PPP4R4: variants seen among roughly 807,000 people sequenced by gnomAD.
The protein encoded by PPP4R4 is serine/threonine-protein phosphatase 4 regulatory subunit 4.
A neutral mutation model predicts 121.8 loss-of-function variants in PPP4R4; 70 were observed. That is an observed-to-expected ratio of 0.57 (90% CI 0.47 to 0.70). PPP4R4 has a LOEUF of 0.70. Among genes scored for constraint, PPP4R4 ranks in the 30% least tolerant of loss-of-function variants. The pLI, the probability that PPP4R4 is intolerant of heterozygous loss-of-function variation, is 0.00. For missense variants in PPP4R4, 875 were observed against 1,033.6 expected (o/e 0.85, Z 2.10); for synonymous variants, 348 against 355.7 (o/e 0.98, Z 0.24).
intron 16 of PPP4R4, among the ~76,000 whole-genome samples, chr14:94,255,121 A>C (rs1004371721): frequency 6.6e-6 from 1 of 152,210 alleles, no homozygotes; most frequent in Non-Finnish European, 1.5e-5. Context: ...TATCTGATAG[A>C]AATCTCAGAC....
intron 19 of PPP4R4, among the ~76,000 whole-genome samples, chr14:94,260,749 T>C (rs935784870): frequency 6.6e-6 from 1 of 152,114 alleles, no homozygotes; most frequent in Non-Finnish European, 1.5e-5. Flanking sequence ...TTATGAATTT[T>C]TTCTTGGAGT....
intron 7 of PPP4R4, among the ~76,000 whole-genome samples, chr14:94,236,866 C>T (rs112436448): frequency 0.011 from 1,620 of 152,228 alleles, 37 homozygotes; most frequent in African/African-American, 0.037. Flanking sequence ...CTATCAACAT[C>T]TTATGTCAAT....
chr14:94,174,354 G>C lies in PPP4R4; in HGVS notation c.-112G>C, dbSNP rs1888536463. Reference sequence around the variant, plus strand: ...CCGCCGCCTGGCAGCCTCACGCTCGGCTCCAGCGGCCAAGAGCCGGAGAAA... The same window carrying C: ...CCGCCGCCTGGCAGCCTCACGCTCGCCTCCAGCGGCCAAGAGCCGGAGAAA... On this transcript the variant is annotated 5_prime_UTR_variant, in exon 1 of 25. Coordinates refer to ENST00000304338, the MANE Select transcript of PPP4R4 (RefSeq NM_058237.2). 1 of 992,352 alleles carries C rather than the reference G, an allele frequency of 1.0e-6. No individual in the cohort carries two copies. Among genetic ancestry groups the C allele is most frequent in the Non-Finnish European group, 1.3e-6 (1 of 768,122 alleles). 61.5% of individuals were successfully genotyped at this position (992,352 alleles called of 1,614,324 possible). A position where few individuals can be genotyped will look rare whatever the true frequency, so the allele number is the denominator to read the frequency against.
chr14:94,215,901 G>A (rs1310197493), intron 3 of PPP4R4, among the ~76,000 whole-genome samples: 1 of 152,146 alleles, frequency 6.6e-6, no homozygotes. Context: ...AAAGTTCTGT[G>A]AAACATTTAC....
In PPP4R4 at chr14:94,200,805, AT is replaced by A. The variant is rs112877757; in HGVS notation, c.192-7649del. On this transcript the variant is annotated intron_variant, in intron 2 of 24. Transcript: ENST00000304338. ...GCTTTTTGTTTCACTTATCTTTTGTATTTTTTTTTTGTTTCCCTTTCATTTA... is the reference window on the plus strand; with the variant it reads ...GCTTTTTGTTTCACTTATCTTTTGTATTTTTTTTTGTTTCCCTTTCATTTA... 6.7e-3 allele frequency among the ~76,000 whole-genome samples: 974 copies of A among 145,162 alleles called. 11 individuals carry two copies. The highest frequency in any genetic ancestry group is 0.023 in the African/African-American group (924 of 39,930).
chr14:94,255,248 C>A (rs764151079), intron 16 of PPP4R4, among the ~76,000 whole-genome samples: 5 of 152,170 alleles, frequency 3.3e-5, no homozygotes, highest in South Asian at 2.1e-4. Context: ...TAAATAAATT[C>A]TTCTCTCTGT....
chr14:94,190,872 C>CTTT lies in PPP4R4; in HGVS notation c.191+14758_191+14760dup, dbSNP rs11414150. ...AATACTGTAGAGCAGTGATTTCCAA[C>CTTT]TTTTTTTTTTTTTTTACTATGACCT... On this transcript the variant is annotated intron_variant, in intron 2 of 24. Coordinates refer to ENST00000304338, the MANE Select transcript of PPP4R4 (RefSeq NM_058237.2). Among the ~76,000 whole-genome samples, 101 of 145,588 alleles carry CTTT rather than the reference C, an allele frequency of 6.9e-4. 2 individuals carry two copies. Among genetic ancestry groups the CTTT allele is most frequent in the Non-Finnish European group, 8.7e-4 (58 of 66,636 alleles).
At chr14:94,227,084 A>T (rs1891753474) in intron 3 of PPP4R4, among the ~76,000 whole-genome samples, 1 of 152,204 alleles carries the variant, frequency 6.6e-6, no homozygotes, top group African/African-American at 2.4e-5. Context: ...TTAAACACAG[A>T]CGTGTCTACT....
chr14:94,204,758 T>A (rs1890371062), intron 2 of PPP4R4, among the ~76,000 whole-genome samples: 1 of 152,190 alleles, frequency 6.6e-6, no homozygotes, highest in African/African-American at 2.4e-5. Context: ...CAGCATTGTG[T>A]ATTTTCAGCC....
intron 4 of PPP4R4, 62 bp downstream of exon 4, chr14:94,230,796 TA>T (rs1891986591): frequency 1.3e-6 from 2 of 1,495,840 alleles, no homozygotes. Context: ...ATGGCCATGA[TA>T]TTATATAAAT....
At chr14:94,179,414 A>G (rs1416618820) in intron 2 of PPP4R4, among the ~76,000 whole-genome samples, 1 of 152,046 alleles carries the variant, frequency 6.6e-6, no homozygotes, top group East Asian at 1.9e-4. Context: ...ATTCCTTTTT[A>G]TTGCAGTGTA....
At chr14:94,184,897 A>G (rs544686128) in intron 2 of PPP4R4, among the ~76,000 whole-genome samples, 2 of 152,232 alleles carry the variant, frequency 1.3e-5, no homozygotes, top group Non-Finnish European at 2.9e-5. Flanking sequence ...GCTTTACAGT[A>G]TCTTATTAAT....
intron 2 of PPP4R4, among the ~76,000 whole-genome samples, chr14:94,199,340 G>C (rs995643547): frequency 2.0e-5 from 3 of 152,212 alleles, no homozygotes; most frequent in Admixed American, 6.5e-5. Context: ...AAACCTCTAG[G>C]GGGAGCATGC....
In PPP4R4 at chr14:94,226,607, T is replaced by G. The variant is rs74398040; in HGVS notation, c.295-3980T>G. The stretch of plus-strand genomic sequence containing the variant: ...AAAGTCTTTTATAAATATCATGATT[T>G]TATAATGAAGAGGGCTATTACACTA... On this transcript the variant is annotated intron_variant, in intron 3 of 24. Coordinates refer to ENST00000304338, the MANE Select transcript of PPP4R4 (RefSeq NM_058237.2). Among the ~76,000 whole-genome samples the G allele has an allele frequency of 9.2e-3, 1,405 of 152,236 alleles. 8 individuals carry two copies. The highest frequency in any genetic ancestry group is 0.034 in the Middle Eastern group (10 of 294).
intron 2 of PPP4R4, among the ~76,000 whole-genome samples, chr14:94,177,344 A>G (rs1005102083): frequency 2.2e-4 from 34 of 152,190 alleles, no homozygotes; most frequent in Non-Finnish European, 8.8e-5. Context: ...TTATGTGTGA[A>G]TTCAACGGTA....
At chr14:94,220,480 A>G (rs1891325676) in intron 3 of PPP4R4, among the ~76,000 whole-genome samples, 1 of 152,106 alleles carries the variant, frequency 6.6e-6, no homozygotes, top group African/African-American at 2.4e-5. Context: ...TTTCTCAGAT[A>G]ACATTATCAT....
At chr14:94,260,430 A>AAAAAC (rs1054571101) in intron 19 of PPP4R4, among the ~76,000 whole-genome samples, 2 of 152,084 alleles carry the variant, frequency 1.3e-5, no homozygotes, top group African/African-American at 4.8e-5. Context: ...TGTCCCCCCA[A>AAAAAC]AAAACAAAAC....
intron 16 of PPP4R4, among the ~76,000 whole-genome samples, chr14:94,254,843 G>A (rs1356000195): frequency 1.3e-5 from 2 of 152,154 alleles, no homozygotes; most frequent in East Asian, 3.9e-4. Context: ...TAGGCTCTGG[G>A]ATTTACTCTT....
intron 16 of PPP4R4, among the ~76,000 whole-genome samples, chr14:94,252,978 C>T (rs2224237): frequency 0.54 from 82,680 of 152,058 alleles, 25,059 homozygotes; most frequent in African/African-American, 0.82. Flanking sequence ...CAAAAGATAC[C>T]GAAAAGTTCA....
Sources: allele counts gnomAD v4.1 joint callset (sites outside exome capture counted in the v4.1 genomes callset), GRCh38; gene constraint gnomAD v4.1.1; transcripts MANE v1.5; gene names NCBI Gene and HGNC (gene_info 2026-07-23, HGNC 2026-07-21).